CACNA1C: variants seen among roughly 807,000 people sequenced by gnomAD.
The protein encoded by CACNA1C is calcium voltage-gated channel subunit alpha1 C, also known as voltage-dependent L-type calcium channel subunit alpha-1C.
CACNA1C carries 30 observed loss-of-function variants against 229.0 expected under a neutral mutation model. The observed-to-expected ratio is 0.13, with a 90% CI of 0.10 to 0.18. The LOEUF (loss-of-function observed/expected upper bound fraction) is 0.18. CACNA1C is among the 10% of genes least tolerant of loss of function. The pLI is 1.00. For synonymous variants in CACNA1C, 1,114 were observed against 1,132.5 expected, an observed-to-expected ratio of 0.98 and a Z score of 0.33; for missense variants, 1,658 against 2,845.0, an observed-to-expected ratio of 0.58 and a Z score of 9.49.
intron 3 of CACNA1C, among the ~76,000 whole-genome samples, chr12:2,258,412 T>A (rs2078790479): frequency 6.6e-6 from 1 of 152,138 alleles, no homozygotes; most frequent in Non-Finnish European, 1.5e-5. Flanking sequence ...GAAAACTCAT[T>A]TTTTCCTCAA....
chr12:2,498,151 A>G (rs1239445234), intron 7 of CACNA1C, among the ~76,000 whole-genome samples: 1 of 152,190 alleles, frequency 6.6e-6, no homozygotes, highest in Non-Finnish European at 1.5e-5. Flanking sequence ...ACTGCAGAAT[A>G]TAGAGTTGCT....
intron 3 of CACNA1C, among the ~76,000 whole-genome samples, chr12:2,421,056 T>G (rs374138910): frequency 7.9e-4 from 121 of 152,344 alleles, no homozygotes; most frequent in African/African-American, 2.8e-3. Flanking sequence ...GAAGTCTCCA[T>G]CAGTGTCAAG....
intron 1 of CACNA1C, among the ~76,000 whole-genome samples, chr12:2,106,513 G>GCA (rs2078712781): frequency 1.9e-5 from 2 of 105,988 alleles, no homozygotes; most frequent in African/African-American, 3.7e-5. Context: ...CCTCAGCTGG[G>GCA]TGTCCTGAAG....
chr12:2,404,348 G>A (rs574365895), intron 3 of CACNA1C, among the ~76,000 whole-genome samples: 1 of 152,186 alleles, frequency 6.6e-6, no homozygotes, highest in Admixed American at 6.5e-5. Flanking sequence ...CTGTCCTCTT[G>A]TCTACCCTAA....
At chr12:2,150,600 G>A (rs2095155105) in intron 3 of CACNA1C, among the ~76,000 whole-genome samples, 1 of 152,208 alleles carries the variant, frequency 6.6e-6, no homozygotes, top group Non-Finnish European at 1.5e-5. Context: ...TTTAAAATAG[G>A]TAAGGCTAAT....
At chr12:2,326,088 T>A (rs2096277793) in intron 3 of CACNA1C, among the ~76,000 whole-genome samples, 1 of 152,076 alleles carries the variant, frequency 6.6e-6, no homozygotes, top group Non-Finnish European at 1.5e-5. Flanking sequence ...GGGGAGCGTT[T>A]TTGTTCTTCA....
At chr12:1,991,583 T>C in intron 1 of CACNA1C, 1 of 238,358 alleles carries the variant, frequency 4.2e-6, no homozygotes, top group Non-Finnish European at 8.3e-6. Context: ...AGTTGGTGCC[T>C]GTTGGACACT....
chr12:2,641,714 A>G (rs1323259429), intron 30 of CACNA1C: 8 of 702,434 alleles, frequency 1.1e-5, no homozygotes, highest in South Asian at 7.4e-5. Context: ...TACCTTGAAG[A>G]GAAGGCGATG....
At chr12:2,265,729 G>C (rs2082149150) in intron 3 of CACNA1C, among the ~76,000 whole-genome samples, 1 of 152,182 alleles carries the variant, frequency 6.6e-6, no homozygotes, top group Non-Finnish European at 1.5e-5. Flanking sequence ...TGAAGACGCG[G>C]GGGCTCCAGT....
chr12:2,186,096 G>A (rs764872542), intron 3 of CACNA1C, among the ~76,000 whole-genome samples: 15 of 152,120 alleles, frequency 9.9e-5, no homozygotes, highest in Non-Finnish European at 1.8e-4. Context: ...CCTCCACTAC[G>A]GGCTGTGGTT....
intron 39 of CACNA1C, 139 bp from the exon 40 acceptor site, chr12:2,676,955 T>TTAAGCCATGTGAATGTATTAC: frequency 1.5e-6 from 1 of 665,186 alleles, no homozygotes. Context: ...TTCTCTCTTT[T>TTAAGCCATGTGAATGTATTAC]TAAGCCATGT....
rs79336554 is a variant in CACNA1C at position 2,473,117 on chromosome 12, A to G, written c.758-12987A>G. On this transcript the variant is annotated intron_variant, in intron 5 of 46. Coordinates refer to ENST00000399655, the MANE Select transcript of CACNA1C (RefSeq NM_000719.7). ...TCCACAATTTCAGGGCCGTAAGTCCAACCTCCTGACACTGCTTTTTCCCCA... is the reference window on the plus strand; with the variant it reads ...TCCACAATTTCAGGGCCGTAAGTCCGACCTCCTGACACTGCTTTTTCCCCA... 4.5e-3 allele frequency among the ~76,000 whole-genome samples: 685 copies of G among 152,346 alleles called. 3 individuals carry two copies. The highest frequency in any genetic ancestry group is 7.1e-3 in the Non-Finnish European group (483 of 68,024).
In CACNA1C at chr12:2,429,115, A is replaced by C. The variant is rs576848577; in HGVS notation, c.478-19861A>C. Among the ~76,000 whole-genome samples, 4 of 141,412 alleles carry C rather than the reference A, an allele frequency of 2.8e-5. No homozygotes were observed. The South Asian group carries it at 9.3e-4, about 33-fold the overall frequency. 92.8% of individuals were successfully genotyped at this position (141,412 alleles called of 152,430 possible). ...TCCTTGGTTTGTAGATGCATTAATC[A>C]CTCAGCTTTGCCTCGGTGGTCACAT... On this transcript the variant is annotated intron_variant, in intron 3 of 46. Transcript: ENST00000399655.
intron 1 of CACNA1C, among the ~76,000 whole-genome samples, chr12:1,990,352 C>G (rs1015771341): frequency 6.6e-6 from 1 of 151,908 alleles, no homozygotes; most frequent in African/African-American, 2.4e-5. Context: ...AGGTCAAACC[C>G]CATTTTAACA....
At chr12:2,434,170 T>A (rs1476033275) in intron 3 of CACNA1C, among the ~76,000 whole-genome samples, 4 of 152,124 alleles carry the variant, frequency 2.6e-5, no homozygotes, top group African/African-American at 9.7e-5. Flanking sequence ...GGATATCACA[T>A]AACTATCTGT....
At position 2,584,555 on chromosome 12, in the gene CACNA1C, T is replaced by C. The variant is rs756036003; in HGVS notation, c.2277T>C (p.Ala759=). 6 of 1,613,816 alleles carry C rather than the reference T, an allele frequency of 3.7e-6. No individual in the cohort carries two copies. Among genetic ancestry groups the C allele is most frequent in the Non-Finnish European group, 3.4e-6 (4 of 1,179,864 alleles). Residue 759 remains alanine, a synonymous_variant, in exon 16 of 47, where the codon GCT becomes GCC. Coordinates refer to ENST00000399655, the MANE Select transcript of CACNA1C (RefSeq NM_000719.7). The stretch of plus-strand genomic sequence containing the variant: ...TTGCTGTGGACAACCTGGCTGATGC[T>C]GAGAGCCTCACATCTGCCCAAAAGG... ...LAIAVDNLAD[A]ESLTSAQKEE...
intron 1 of CACNA1C, chr12:1,997,928 C>G (rs759852006): frequency 1.2e-6 from 2 of 1,603,370 alleles, no homozygotes; most frequent in Admixed American, 1.7e-5. Flanking sequence ...AAGTGAAACA[C>G]TCTTACCTTG....
At chr12:2,113,812 T>A (rs2082720899) in intron 1 of CACNA1C, among the ~76,000 whole-genome samples, 1 of 152,220 alleles carries the variant, frequency 6.6e-6, no homozygotes, top group Non-Finnish European at 1.5e-5. Context: ...GAGCGAGGCA[T>A]CCAGCCTAAC....
intron 1 of CACNA1C, among the ~76,000 whole-genome samples, chr12:2,060,417 G>A (rs762423219): frequency 8.5e-5 from 13 of 152,204 alleles, no homozygotes; most frequent in East Asian, 3.8e-4. Flanking sequence ...TAGGACCCCC[G>A]GCCTACTCCC....
Sources: allele counts gnomAD v4.1 joint callset (sites outside exome capture counted in the v4.1 genomes callset), GRCh38; gene constraint gnomAD v4.1.1; transcripts MANE v1.5; gene names NCBI Gene and HGNC (gene_info 2026-07-23, HGNC 2026-07-21).